The following SULF1 variants were observed in gnomAD, a reference collection of about 807,000 sequenced individuals.
SULF1 encodes the protein extracellular sulfatase Sulf-1.
SULF1 carries 46 observed loss-of-function variants against 110.5 expected under a neutral mutation model. That is an observed-to-expected ratio of 0.42 (90% CI 0.33 to 0.53). The LOEUF is 0.53. SULF1 is among the 20% of genes least tolerant of loss of function. The probability of loss-of-function intolerance (pLI) is 0.12; values close to 1 mark genes in which losing one functional copy is unlikely to be tolerated. For synonymous variants in SULF1, 371 were observed against 387.1 expected, an observed-to-expected ratio of 0.96 and a Z score of 0.49; for missense variants, 941 against 1,094.2, an observed-to-expected ratio of 0.86 and a Z score of 1.98.
chr8:69,644,781 G>T (rs964230304), intron 22 of SULF1, among the ~76,000 whole-genome samples: 1 of 140,932 alleles, frequency 7.1e-6, no homozygotes, highest in African/African-American at 2.8e-5. Flanking sequence ...AAAAAAAAAA[G>T]AATTGAGCAC....
chr8:69,640,496 T>G (rs1811395291), intron 21 of SULF1, among the ~76,000 whole-genome samples: 1 of 152,238 alleles, frequency 6.6e-6, no homozygotes, highest in African/African-American at 2.4e-5. Flanking sequence ...AAATTTAACT[T>G]TTCCTGAGAA....
intron 2 of SULF1, among the ~76,000 whole-genome samples, chr8:69,497,791 G>A (rs1455756919): frequency 6.6e-6 from 1 of 152,124 alleles, no homozygotes; most frequent in Admixed American, 6.6e-5. Context: ...CAATCATCTA[G>A]TTGCTTTATA....
At chr8:69,587,044 A>G (rs547755885) in intron 7 of SULF1, among the ~76,000 whole-genome samples, 1 of 152,352 alleles carries the variant, frequency 6.6e-6, no homozygotes, top group Non-Finnish European at 1.5e-5. Context: ...AAAAGTCTCT[A>G]ATGCTATCAA....
intron 13 of SULF1, among the ~76,000 whole-genome samples, chr8:69,614,002 C>T (rs1412114927): frequency 1.3e-5 from 2 of 152,042 alleles, no homozygotes; most frequent in Admixed American, 1.3e-4. Flanking sequence ...GAATCCCAAC[C>T]CAATACTCAT....
intron 22 of SULF1, among the ~76,000 whole-genome samples, chr8:69,647,492 A>T (rs1812009962): frequency 6.6e-6 from 1 of 152,204 alleles, no homozygotes; most frequent in African/African-American, 2.4e-5. Context: ...CTATTCCTAC[A>T]ATTCATCCAT....
intron 3 of SULF1, among the ~76,000 whole-genome samples, chr8:69,533,447 C>A (rs967172697): frequency 6.6e-6 from 1 of 152,110 alleles, no homozygotes; most frequent in Non-Finnish European, 1.5e-5. Context: ...TGTTCCCCTT[C>A]CTGTGTCCAC....
chr8:69,593,282 CA>C (rs1162913874), intron 8 of SULF1, among the ~76,000 whole-genome samples: 2 of 152,172 alleles, frequency 1.3e-5, no homozygotes, highest in African/African-American at 4.8e-5. Context: ...TGGAACTGCT[CA>C]ATGACCAGCT....
intron 1 of SULF1, among the ~76,000 whole-genome samples, chr8:69,487,492 T>C (rs1446153321): frequency 6.6e-6 from 1 of 152,216 alleles, no homozygotes; most frequent in African/African-American, 2.4e-5. Context: ...TGTATGTATG[T>C]TGGTAAAATG....
At chr8:69,640,150 A>G (rs60681808) in intron 21 of SULF1, among the ~76,000 whole-genome samples, 3,407 of 88,298 alleles carry the variant, frequency 0.039, 113 homozygotes, top group African/African-American at 0.14. Flanking sequence ...AAGGAAGGAA[A>G]GAAAGAAAGA....
intron 3 of SULF1, among the ~76,000 whole-genome samples, chr8:69,541,334 A>C (rs149773816): frequency 1.3e-5 from 2 of 152,226 alleles, no homozygotes; most frequent in Non-Finnish European, 2.9e-5. Flanking sequence ...CCTGAGAAGT[A>C]TGATGGCAGG....
chr8:69,540,495 G>A (rs1191928641), intron 3 of SULF1, among the ~76,000 whole-genome samples: 1 of 152,198 alleles, frequency 6.6e-6, no homozygotes, highest in Non-Finnish European at 1.5e-5. Flanking sequence ...GCTAGTAAGT[G>A]GGAGAGCAGA....
chr8:69,601,161 T>C (rs1389185323), intron 9 of SULF1, among the ~76,000 whole-genome samples: 2 of 152,206 alleles, frequency 1.3e-5, no homozygotes, highest in Non-Finnish European at 2.9e-5. Flanking sequence ...GCAGGTCTTC[T>C]GACTTTTTTA....
intron 13 of SULF1, among the ~76,000 whole-genome samples, chr8:69,620,077 G>A (rs564731107): frequency 6.6e-6 from 1 of 152,272 alleles, no homozygotes; most frequent in African/African-American, 2.4e-5. Context: ...GTGGCTCTCA[G>A]TGGGACGGAT....
intron 5 of SULF1, among the ~76,000 whole-genome samples, chr8:69,571,388 A>G (rs1371203284): frequency 6.6e-6 from 1 of 152,250 alleles, no homozygotes; most frequent in Non-Finnish European, 1.5e-5. Context: ...GATGAGAAAC[A>G]CAAACCAAAA....
In SULF1 at chr8:69,522,069, G is replaced by A. The variant is rs555528710; in HGVS notation, c.-134+20101G>A. On this transcript the variant is annotated intron_variant, in intron 3 of 22. Transcript: ENST00000402687. ...GATCATGGACGATTTTTTTTTTTTT[G>A]AGACAGCATCTTGCTCTGTTGCCCA... Among the ~76,000 whole-genome samples, 6 of 142,914 alleles carry A rather than the reference G, an allele frequency of 4.2e-5. 1 individual carries two copies. The South Asian group carries it at 1.2e-3, about 29-fold the overall frequency. The allele number at this position is 142,914 out of a possible 152,430, so 93.8% of individuals were successfully genotyped here.
In SULF1 at chr8:69,620,186, G is replaced by C. The variant is rs144025594; in HGVS notation, c.1378-849G>C. 3.0e-4 allele frequency among the ~76,000 whole-genome samples: 45 copies of C among 152,286 alleles called. 1 individual carries two copies. In the East Asian group the frequency reaches 8.1e-3, roughly 28 times the overall value. ...CTGACCCCTAGCCAAGCTCCTCTCA[G>C]TGTTCAGACGTTCCTCTTCTGTCTT... On this transcript the variant is annotated intron_variant, in intron 13 of 22. Coordinates refer to ENST00000402687, the MANE Select transcript of SULF1 (RefSeq NM_001128205.2).
chr8:69,624,898 C>A (rs1464807664), intron 15 of SULF1, among the ~76,000 whole-genome samples: 1 of 152,314 alleles, frequency 6.6e-6, no homozygotes, highest in East Asian at 1.9e-4. Flanking sequence ...TTAGCAAGAT[C>A]TTTGTTTTCT....
intron 3 of SULF1, among the ~76,000 whole-genome samples, chr8:69,511,464 G>T (rs932459389): frequency 6.6e-6 from 1 of 152,294 alleles, no homozygotes. Context: ...CTCTGGTCTA[G>T]CATCTCCCCT....
intron 13 of SULF1, among the ~76,000 whole-genome samples, chr8:69,617,039 A>G (rs959304666): frequency 8.5e-5 from 13 of 152,228 alleles, no homozygotes; most frequent in African/African-American, 3.1e-4. Flanking sequence ...GCCTTAAACC[A>G]TTTGGATTTA....
Sources: allele counts gnomAD v4.1 joint callset (sites outside exome capture counted in the v4.1 genomes callset), GRCh38; gene constraint gnomAD v4.1.1; transcripts MANE v1.5; gene names NCBI Gene and HGNC (gene_info 2026-07-23, HGNC 2026-07-21).